The following MGST2 variants were observed in gnomAD, a reference collection of about 807,000 sequenced individuals.
MGST2 encodes glutathione peroxidase MGST2.
Under a neutral mutation model 16.6 loss-of-function variants are expected in MGST2, and 9 were observed. The observed-to-expected ratio is 0.54, with a 90% confidence interval of 0.33 to 0.95. The LOEUF is 0.95. MGST2 is among the 40% of genes least tolerant of loss of function. The pLI is 0.03. For synonymous variants in MGST2, 79 were observed against 68.0 expected, an observed-to-expected ratio of 1.16 and a Z score of -0.79; for missense variants, 159 against 175.1, an observed-to-expected ratio of 0.91 and a Z score of 0.52.
the MGST2 span, among the ~76,000 whole-genome samples, chr4:139,746,059 C>T: frequency 6.6e-6 from 1 of 152,320 alleles, no homozygotes; most frequent in African/African-American, 2.4e-5. Flanking sequence ...CAATTAAAGA[C>T]TTTTCATGAC....
chr4:139,744,350 G>A (rs1579384568), downstream of MGST2, among the ~76,000 whole-genome samples: 2 of 152,124 alleles, frequency 1.3e-5, no homozygotes, highest in Non-Finnish European at 2.9e-5. Context: ...AACACTCACA[G>A]CTAAAACAAA....
intron 1 of MGST2, among the ~76,000 whole-genome samples, chr4:139,672,242 A>C (rs1157898517): frequency 6.6e-6 from 1 of 152,226 alleles, no homozygotes; most frequent in African/African-American, 2.4e-5. Context: ...CCTGTGCATT[A>C]CTAATTCATA....
At chr4:139,693,266 G>A (rs1272299593) in intron 2 of MGST2, among the ~76,000 whole-genome samples, 3 of 152,116 alleles carry the variant, frequency 2.0e-5, no homozygotes, top group African/African-American at 7.2e-5. Flanking sequence ...TTAGCCGGGC[G>A]CGGTGGCAGG....
At chr4:139,724,147 G>T (rs1416067476) in intron 5 of MGST2, among the ~76,000 whole-genome samples, 1 of 152,194 alleles carries the variant, frequency 6.6e-6, no homozygotes, top group Non-Finnish European at 1.5e-5. Flanking sequence ...GTCCTTCCCT[G>T]TGTCAAGGCC....
intron 5 of MGST2, among the ~76,000 whole-genome samples, chr4:139,734,963 C>G (rs564927856): frequency 3.0e-4 from 45 of 152,352 alleles, no homozygotes; most frequent in African/African-American, 1.0e-3. Context: ...TGCCGTTCTT[C>G]CCGCGCCCCA....
downstream of MGST2, among the ~76,000 whole-genome samples, chr4:139,704,781 G>A (rs951576467): frequency 2.0e-5 from 3 of 152,096 alleles, no homozygotes; most frequent in African/African-American, 7.2e-5. Context: ...AATTAGCCGG[G>A]CATGGTGGCG....
At chr4:139,687,771 T>C (rs1036554503) in intron 2 of MGST2, 2 of 152,242 alleles carry the variant, frequency 1.3e-5, no homozygotes, top group African/African-American at 4.8e-5. Flanking sequence ...AGAGCTGATA[T>C]GGAGTCCAGC....
chr4:139,722,775 T>C (rs1158484639), intron 5 of MGST2, among the ~76,000 whole-genome samples: 1 of 152,220 alleles, frequency 6.6e-6, no homozygotes, highest in Non-Finnish European at 1.5e-5. Flanking sequence ...TCATGCAAGT[T>C]ATACCTAACA....
At chr4:139,716,329 G>A (rs996944692) in intron 5 of MGST2, among the ~76,000 whole-genome samples, 10 of 152,168 alleles carry the variant, frequency 6.6e-5, no homozygotes, top group African/African-American at 2.4e-4. Context: ...TACTGACAGT[G>A]CTCACTACAG....
chr4:139,666,010 C>G lies in MGST2; in HGVS notation c.-10C>G, dbSNP rs763086365. 14 of 1,613,992 alleles carry G rather than the reference C, an allele frequency of 8.7e-6. No individual in the cohort carries two copies. The South Asian group carries it at 1.3e-4, about 15-fold the overall frequency. The stretch of plus-strand genomic sequence containing the variant: ...TTCCCGTGCGCTCTACAAATAGTTC[C>G]GTGAGAAAGATGGCCGGGAACTCGA... On this transcript the variant is annotated 5_prime_UTR_variant, in exon 1 of 5. Coordinates refer to ENST00000265498, the MANE Select transcript of MGST2 (RefSeq NM_002413.5).
intron 1 of MGST2, among the ~76,000 whole-genome samples, chr4:139,674,687 A>C (rs1380464106): frequency 6.6e-6 from 1 of 152,160 alleles, no homozygotes; most frequent in Non-Finnish European, 1.5e-5. Flanking sequence ...AGGTTGAGGC[A>C]GGAGAATTGC....
At chr4:139,696,646 T>G (rs1449996434) in intron 3 of MGST2, among the ~76,000 whole-genome samples, 1 of 152,238 alleles carries the variant, frequency 6.6e-6, no homozygotes, top group Non-Finnish European at 1.5e-5. Flanking sequence ...ATCTCTTTCA[T>G]GATTTCCTTG....
chr4:139,725,193 C>T (rs1728419035), intron 5 of MGST2, among the ~76,000 whole-genome samples: 1 of 152,318 alleles, frequency 6.6e-6, no homozygotes, highest in African/African-American at 2.4e-5. Context: ...CAAACGGCTA[C>T]AGGATCAGTT....
At chr4:139,730,813 T>C (rs1728676009) in intron 5 of MGST2, 1 of 700,282 alleles carries the variant, frequency 1.4e-6, no homozygotes. Context: ...TGCATTTCCA[T>C]AAACGTAGCT....
intron 1 of MGST2, among the ~76,000 whole-genome samples, chr4:139,675,358 C>T (rs2110808489): frequency 6.6e-6 from 1 of 152,110 alleles, no homozygotes; most frequent in South Asian, 2.1e-4. Flanking sequence ...GGAGGCAAGA[C>T]CTACTGAAGG....
At chr4:139,720,283 G>A in intron 5 of MGST2, 1 of 1,564,652 alleles carries the variant, frequency 6.4e-7, no homozygotes, top group Non-Finnish European at 8.7e-7. Context: ...TGCTCTGGAG[G>A]GCTGCTTGGC....
downstream of MGST2, among the ~76,000 whole-genome samples, chr4:139,744,111 T>C (rs1405904988): frequency 6.6e-6 from 1 of 152,192 alleles, no homozygotes; most frequent in Non-Finnish European, 1.5e-5. Context: ...GGTAGGAACC[T>C]AGAGAGGTCT....
At chr4:139,698,005 T>A in intron 3 of MGST2, 1 of 566,180 alleles carries the variant, frequency 1.8e-6, no homozygotes, top group Non-Finnish European at 3.1e-6. Context: ...TGTCCCCTAT[T>A]TTTCCACTCG....
At chr4:139,708,490 G>T (rs1202754197), downstream of MGST2, among the ~76,000 whole-genome samples, 1 of 152,156 alleles carries the variant, frequency 6.6e-6, no homozygotes, top group Admixed American at 6.5e-5. Context: ...TTGAAGTCAG[G>T]TATCGTGATG....
Sources: allele counts gnomAD v4.1 joint callset (sites outside exome capture counted in the v4.1 genomes callset), GRCh38; gene constraint gnomAD v4.1.1; transcripts MANE v1.5; gene names NCBI Gene and HGNC (gene_info 2026-07-23, HGNC 2026-07-21).